INO80: variants seen among roughly 807,000 people sequenced by gnomAD.
INO80 encodes INO80 complex ATPase subunit, also known as chromatin-remodeling ATPase INO80.
A neutral mutation model predicts 203.4 loss-of-function variants in INO80; 20 were observed. The observed-to-expected ratio is 0.10, with a 90% CI of 0.07 to 0.14. The LOEUF (loss-of-function observed/expected upper bound fraction) is 0.14. Ranked by LOEUF, INO80 falls within the 10% of genes least tolerant of loss-of-function variation. INO80 has a pLI of 1.00. For missense variants in INO80, 1,419 were observed against 1,914.4 expected (o/e 0.74, Z 4.83); for synonymous variants, 726 against 685.2 (o/e 1.06, Z -0.93).
intron 14 of INO80, among the ~76,000 whole-genome samples, chr15:41,066,845 GCA>G (rs2045228154): frequency 3.9e-5 from 2 of 51,650 alleles, no homozygotes; most frequent in African/African-American, 1.8e-4. Flanking sequence ...AAAAAAAAAA[GCA>G]AAAAAAAAAA....
chr15:41,055,798 A>G (rs1430659597), intron 17 of INO80, among the ~76,000 whole-genome samples: 5 of 152,222 alleles, frequency 3.3e-5, no homozygotes, highest in Non-Finnish European at 5.9e-5. Context: ...GTTTTATTGA[A>G]ACATAGCCAT....
intron 13 of INO80, 152 bp from the exon 14 acceptor site, chr15:41,069,817 T>A: frequency 3.4e-6 from 2 of 589,274 alleles, no homozygotes; most frequent in Non-Finnish European, 5.9e-6. Flanking sequence ...AATAGTAATA[T>A]CCTATGTTAA....
Position 41,045,615 on chromosome 15 carries a change from G to A in INO80, c.2736-540C>T, listed in dbSNP as rs563776628. 4.3e-4 allele frequency among the ~76,000 whole-genome samples: 64 copies of A among 149,750 alleles called. 1 individual carries two copies. Among genetic ancestry groups the A allele is most frequent in the African/African-American group, 1.4e-3 (55 of 40,662 alleles). ...AAAAAAAAAAAAATTCACCTTGGCC[G>A]GGCACAGTGGCTCACACCTTTAATC... On this transcript the variant is annotated intron_variant, in intron 23 of 35. Transcript: ENST00000648947.
At chr15:41,035,137 C>G (rs762225429) in intron 24 of INO80, among the ~76,000 whole-genome samples, 8 of 152,200 alleles carry the variant, frequency 5.3e-5, no homozygotes, top group Non-Finnish European at 1.0e-4. Flanking sequence ...AGTTGAAAAA[C>G]TAGTTAAGAA....
At chr15:41,107,735 G>T (rs8032956) in intron 1 of INO80, among the ~76,000 whole-genome samples, 17,595 of 152,130 alleles carry the variant, frequency 0.12, 3,156 homozygotes, top group African/African-American at 0.38. Flanking sequence ...GGGAAACAGA[G>T]GTGGCAGTGA....
intron 35 of INO80, among the ~76,000 whole-genome samples, chr15:40,981,570 C>T (rs1423773121): frequency 6.6e-6 from 1 of 152,170 alleles, no homozygotes; most frequent in Non-Finnish European, 1.5e-5. Flanking sequence ...AATTACTGAG[C>T]AATTACTACA....
rs771356698 is a variant in INO80 at position 41,003,329 on chromosome 15, C to CTTTTTTTTTTTTTTTTTTTTTTTTTTTT, written c.3497+2263_3497+2264insAAAAAAAAAAAAAAAAAAAAAAAAAAAA. Among the ~76,000 whole-genome samples, 2 of 107,576 alleles carry CTTTTTTTTTTTTTTTTTTTTTTTTTTTT rather than the reference C, an allele frequency of 1.9e-5. 1 individual carries two copies. The highest frequency in any genetic ancestry group is 3.7e-5 in the Non-Finnish European group (2 of 53,386). The allele number at this position is 107,576 out of a possible 152,430, so 70.6% of individuals were successfully genotyped here. On this transcript the variant is annotated intron_variant, in intron 28 of 35. Transcript: ENST00000648947. ...TGGGATTGTGGGTGATTTTTCTTTT[C>CTTTTTTTTTTTTTTTTTTTTTTTTTTTT]TTTTCTTTTTTTTTTTTTTGAGATG...
intron 19 of INO80, among the ~76,000 whole-genome samples, chr15:41,051,068 G>A (rs2044860370): frequency 7.3e-6 from 1 of 137,344 alleles, no homozygotes; most frequent in Non-Finnish European, 1.5e-5. Context: ...GGCAGAAGTT[G>A]CAGTGAGCCG....
intron 29 of INO80, 47 bp from the exon 30 acceptor site, chr15:40,988,021 G>C: frequency 6.6e-7 from 1 of 1,522,696 alleles, no homozygotes; most frequent in Non-Finnish European, 9.0e-7. Context: ...GGAAGGACCA[G>C]AAATTCTGAG....
intron 29 of INO80, among the ~76,000 whole-genome samples, chr15:40,996,788 G>A (rs576195796): frequency 5.9e-5 from 9 of 152,136 alleles, no homozygotes; most frequent in Admixed American, 3.3e-4. Flanking sequence ...ACAAAAAATG[G>A]GTTTTTCCAT....
At chr15:40,997,731 C>A (rs1234895076) in intron 28 of INO80, 130 bp from the exon 29 acceptor site, 3 of 634,704 alleles carry the variant, frequency 4.7e-6, no homozygotes, top group Non-Finnish European at 5.8e-6. Flanking sequence ...TTACCTAGGC[C>A]TGACTGTATT....
chr15:41,113,369 C>CCTCCCG (rs1450486063), intron 1 of INO80, among the ~76,000 whole-genome samples: 1 of 152,020 alleles, frequency 6.6e-6, no homozygotes, highest in Non-Finnish European at 1.5e-5. Flanking sequence ...CGGGTTCAAG[C>CCTCCCG]GATTCTCCTG....
chr15:41,038,244 A>C (rs1409032275), intron 24 of INO80, among the ~76,000 whole-genome samples: 1 of 151,806 alleles, frequency 6.6e-6, no homozygotes, highest in East Asian at 2.0e-4. Context: ...TCCTGACCTC[A>C]GGTGATCCGC....
intron 1 of INO80, among the ~76,000 whole-genome samples, chr15:41,108,268 T>G (rs1349378741): frequency 2.0e-5 from 3 of 151,490 alleles, no homozygotes; most frequent in Non-Finnish European, 4.4e-5. Flanking sequence ...GAAGATGAAG[T>G]CAAGAGCTGT....
chr15:41,105,627 A>C (rs2045869782), intron 1 of INO80, among the ~76,000 whole-genome samples: 1 of 152,196 alleles, frequency 6.6e-6, no homozygotes, highest in Non-Finnish European at 1.5e-5. Flanking sequence ...ACATAAAACT[A>C]TGCCACTGGA....
intron 9 of INO80, among the ~76,000 whole-genome samples, chr15:41,077,055 A>G (rs2045414229): frequency 6.6e-6 from 1 of 151,924 alleles, no homozygotes; most frequent in African/African-American, 2.4e-5. Flanking sequence ...CTACAGGTGT[A>G]TGCCACCACA....
rs1893708893 is a variant in INO80, at chr15:40,979,062, T to G, written c.*1161A>C. 1 of 152,668 alleles carries G rather than the reference T, an allele frequency of 6.6e-6. No individual in the cohort carries two copies. Among genetic ancestry groups the G allele is most frequent in the Non-Finnish European group, 1.5e-5 (1 of 68,044 alleles). 9.5% of individuals were successfully genotyped at this position (152,668 alleles called of 1,614,324 possible). Reference sequence around the variant, plus strand: ...GCATCTGTACACAGGAATCTGGGTTTGAGCAGGGGAATCTTAATGATTTAA... The same window carrying G: ...GCATCTGTACACAGGAATCTGGGTTGGAGCAGGGGAATCTTAATGATTTAA... On this transcript the variant is annotated 3_prime_UTR_variant, in exon 36 of 36. Transcript: ENST00000648947.
At chr15:41,041,400 T>C (rs138677719) in intron 24 of INO80, among the ~76,000 whole-genome samples, 10 of 151,724 alleles carry the variant, frequency 6.6e-5, no homozygotes, top group African/African-American at 2.4e-4. Flanking sequence ...CTCTACATTG[T>C]TGTTAATTGT....
intron 29 of INO80, among the ~76,000 whole-genome samples, chr15:40,991,090 C>T (rs868625413): frequency 1.5e-4 from 23 of 152,202 alleles, no homozygotes; most frequent in African/African-American, 4.6e-4. Context: ...TACATTTTTT[C>T]CTAGAAGACC....
Sources: gnomAD v4.1 joint callset for allele counts (sites outside exome capture counted in the v4.1 genomes callset) on GRCh38, gnomAD v4.1.1 for gene constraint, MANE v1.5 for transcripts, NCBI Gene and HGNC (gene_info 2026-07-23, HGNC 2026-07-21) for gene names.